Variants in ANKRD12 observed in about 807,000 individuals in gnomAD.
ANKRD12 encodes ankyrin repeat domain 12, also known as ankyrin repeat domain-containing protein 12.
A neutral mutation model predicts 183.4 loss-of-function variants in ANKRD12; 85 were observed. That is an observed-to-expected ratio of 0.46 (90% CI 0.39 to 0.56). The LOEUF (loss-of-function observed/expected upper bound fraction) is 0.56, where lower values mean the gene tolerates loss of function less well. Among genes scored for constraint, ANKRD12 ranks in the 20% least tolerant of loss-of-function variants. ANKRD12 has a pLI of 0.00. For synonymous variants in ANKRD12, 914 were observed against 800.2 expected, an observed-to-expected ratio of 1.14 and a Z score of -2.40; for missense variants, 2,405 against 2,357.1, an observed-to-expected ratio of 1.02 and a Z score of -0.42.
intron 11 of ANKRD12, among the ~76,000 whole-genome samples, chr18:9,278,963 C>T (rs539413728): frequency 2.0e-5 from 3 of 149,800 alleles, no homozygotes; most frequent in African/African-American, 7.6e-5. Context: ...GAGAGGTTAC[C>T]ACATTTTACA....
chr18:9,238,953 C>G (rs1315830354), intron 8 of ANKRD12, among the ~76,000 whole-genome samples: 1 of 152,152 alleles, frequency 6.6e-6, no homozygotes, highest in Non-Finnish European at 1.5e-5. Context: ...GAAACCCCAT[C>G]TTTACAGAAA....
intron 8 of ANKRD12, among the ~76,000 whole-genome samples, chr18:9,232,025 G>A (rs995218245): frequency 3.3e-5 from 5 of 151,998 alleles, no homozygotes; most frequent in Admixed American, 2.6e-4. Flanking sequence ...ATTAAGTGGA[G>A]AATTTAACCC....
Position 9,257,360 on chromosome 18 carries a change from A to G in ANKRD12, c.4093A>G (p.Ile1365Val). Residue 1365 changes from isoleucine to valine, a missense_variant, in exon 9 of 13, where the codon ATA (isoleucine) becomes GTA (valine). By Grantham distance (29) the Ile-to-Val change is conservative. Around this residue, in one of 7 missense-constraint regions of ANKRD12, gnomAD observed 1,983 missense variants for 1,725.9 expected, o/e 1.15. Coordinates refer to ENST00000262126, the MANE Select transcript of ANKRD12 (RefSeq NM_015208.5). ...PERDLSNVSN[I>V]HSSFATSPTG... ...AAGAGACCTTTCAAATGTATCTAACATACATTCCAGTTTTGCAACTTCTCC... is the reference window on the plus strand; with the variant it reads ...AAGAGACCTTTCAAATGTATCTAACGTACATTCCAGTTTTGCAACTTCTCC... The G allele has an allele frequency of 6.2e-7, 1 of 1,614,156 alleles. No individual in the cohort carries two copies. The highest frequency in any genetic ancestry group is 1.1e-5 in the South Asian group (1 of 91,086).
Position 9,254,545 on chromosome 18 carries a change from T to C in ANKRD12, c.1278T>C (p.Thr426=). The part of the protein sequence containing the change: ...QKPSRVLYSS[T]ESSDEEALQN... Reference sequence around the variant, plus strand: ...CATCTAGGGTCTTATATTCAAGTACTGAAAGTTCTGATGAAGAAGCTCTTC... The same window carrying C: ...CATCTAGGGTCTTATATTCAAGTACCGAAAGTTCTGATGAAGAAGCTCTTC... The change falls in exon 9 of 13, where the codon ACT becomes ACC. Residue 426 remains threonine, a synonymous_variant. Transcript: ENST00000262126. The C allele has an allele frequency of 1.3e-6, 2 of 1,554,558 alleles. No homozygotes were observed. Among genetic ancestry groups the C allele is most frequent in the Non-Finnish European group, 1.7e-6 (2 of 1,156,568 alleles).
intron 6 of ANKRD12, among the ~76,000 whole-genome samples, chr18:9,215,207 T>C (rs2036027718): frequency 6.6e-6 from 1 of 152,048 alleles, no homozygotes; most frequent in African/African-American, 2.4e-5. Flanking sequence ...AGGACATTTA[T>C]TAGTAAGGAA....
Position 9,256,831 on chromosome 18 carries a change from G to C in ANKRD12, c.3564G>C (p.Arg1188Ser). The change falls in exon 9 of 13, where the codon AGG becomes AGC. Residue 1188 changes from arginine to serine, a missense_variant. Around this residue, in one of 7 missense-constraint regions of ANKRD12, gnomAD observed 1,983 missense variants for 1,725.9 expected, o/e 1.15. Transcript: ENST00000262126. ...SSFVSDNSLN[R>S]SPRSENEKPG... The stretch of plus-strand genomic sequence containing the variant: ...TTGTTTCAGATAATAGCTTAAACAG[G>C]TCTCCTAGATCAGAAAATGAAAAGC... 6.2e-7 allele frequency: 1 copy of C among 1,613,880 alleles called. No homozygotes were observed. The highest frequency in any genetic ancestry group is 2.2e-5 in the East Asian group (1 of 44,882).
chr18:9,262,113 T>C (rs1377331664), intron 9 of ANKRD12, among the ~76,000 whole-genome samples: 9 of 152,238 alleles, frequency 5.9e-5, no homozygotes, highest in Admixed American at 6.5e-5. Context: ...TGTGGTGTTA[T>C]TTAACATGTT....
Position 9,258,948 on chromosome 18 carries a change from C to G in ANKRD12, c.5664+17C>G. The G allele has an allele frequency of 6.3e-7, 1 of 1,586,662 alleles. No homozygotes were observed. The highest frequency in any genetic ancestry group is 8.6e-7 in the Non-Finnish European group (1 of 1,166,444). On this transcript the variant is annotated intron_variant, in intron 9 of 12. Coordinates refer to ENST00000262126, the MANE Select transcript of ANKRD12 (RefSeq NM_015208.5). Reference sequence around the variant, plus strand: ...ATTCCCACAGTAAGTAACATCATCACTTGCTATACACCTGTAACACTGCCC... The same window carrying G: ...ATTCCCACAGTAAGTAACATCATCAGTTGCTATACACCTGTAACACTGCCC...
intron 8 of ANKRD12, among the ~76,000 whole-genome samples, chr18:9,246,965 G>A (rs1000613125): frequency 3.3e-5 from 5 of 151,482 alleles, no homozygotes; most frequent in African/African-American, 1.2e-4. Context: ...GATTGTTACT[G>A]AGTATAGGAA....
intron 11 of ANKRD12, among the ~76,000 whole-genome samples, chr18:9,275,995 TA>T (rs1212007836): frequency 6.6e-6 from 1 of 152,232 alleles, no homozygotes; most frequent in East Asian, 1.9e-4. Context: ...AAAGCTATTG[TA>T]CACTGAAAAA....
At chr18:9,192,645 A>G (rs534766737) in intron 2 of ANKRD12, among the ~76,000 whole-genome samples, 9 of 151,820 alleles carry the variant, frequency 5.9e-5, no homozygotes, top group Non-Finnish European at 1.2e-4. Flanking sequence ...CTATTGTAAA[A>G]TCTTGTGGAG....
chr18:9,195,961 G>A (rs951934425), intron 3 of ANKRD12, among the ~76,000 whole-genome samples: 1 of 152,034 alleles, frequency 6.6e-6, no homozygotes, highest in Non-Finnish European at 1.5e-5. Flanking sequence ...TTTGGGAGGA[G>A]CATTCAAATG....
At chr18:9,172,029 A>AC (rs938255543) in intron 1 of ANKRD12, among the ~76,000 whole-genome samples, 4 of 151,306 alleles carry the variant, frequency 2.6e-5, no homozygotes, top group Non-Finnish European at 4.4e-5. Flanking sequence ...CCACCTCAAA[A>AC]AAAAAAAAAA....
chr18:9,140,959 T>C (rs149570725), intron 1 of ANKRD12, among the ~76,000 whole-genome samples: 76 of 152,316 alleles, frequency 5.0e-4, no homozygotes, highest in African/African-American at 1.7e-3. Context: ...TGAAGAGTTA[T>C]GTGATGGATA....
chr18:9,268,186 G>A (rs1442293336), intron 10 of ANKRD12, among the ~76,000 whole-genome samples: 1 of 152,004 alleles, frequency 6.6e-6, no homozygotes, highest in Non-Finnish European at 1.5e-5. Context: ...TTCTACCAGA[G>A]GTACAAGGAG....
chr18:9,173,777 T>C (rs1350727933), intron 1 of ANKRD12, among the ~76,000 whole-genome samples: 1 of 152,110 alleles, frequency 6.6e-6, no homozygotes, highest in African/African-American at 2.4e-5. Flanking sequence ...AGATCAGGTG[T>C]GCTGAATTGG....
In ANKRD12 at chr18:9,216,883, A is replaced by G. The variant is rs2036136654; in HGVS notation, c.778A>G (p.Ser260Gly). The change falls in exon 7 of 13, where the codon AGT (serine) becomes GGT (glycine). Residue 260 changes from serine (S) to glycine (G), a missense_variant. Ser to Gly is a moderately conservative substitution (Grantham distance 56). Coordinates refer to ENST00000262126, the MANE Select transcript of ANKRD12 (RefSeq NM_015208.5). ...DDDTPLHDSA[S>G]SGHRDIVKLL... ...TGACACTCCACTCCATGATTCTGCT[A>G]GTAGTGGGCACAGAGATGTAAGTAT... 1 of 1,613,054 alleles carries G rather than the reference A, an allele frequency of 6.2e-7. No individual in the cohort carries two copies. Among genetic ancestry groups the G allele is most frequent in the Admixed American group, 1.7e-5 (1 of 59,810 alleles).
chr18:9,250,988 TTTTG>T (rs2038261371), intron 8 of ANKRD12, among the ~76,000 whole-genome samples: 1 of 152,182 alleles, frequency 6.6e-6, no homozygotes, highest in African/African-American at 2.4e-5. Flanking sequence ...GTTTTTTGTT[TTTTG>T]TTTCTTTTTT....
intron 1 of ANKRD12, among the ~76,000 whole-genome samples, chr18:9,138,047 G>C (rs951777688): frequency 6.6e-6 from 1 of 152,188 alleles, no homozygotes; most frequent in Non-Finnish European, 1.5e-5. Flanking sequence ...GGTGAAGTGT[G>C]TTGCAGATCC....
Sources: allele counts gnomAD v4.1 joint callset (sites outside exome capture counted in the v4.1 genomes callset), GRCh38; gene constraint gnomAD v4.1.1; regional missense constraint gnomAD v4.1.1; transcripts MANE v1.5; gene names NCBI Gene and HGNC (gene_info 2026-07-23, HGNC 2026-07-21).